Variants in UPK3A observed in about 807,000 individuals in gnomAD.
UPK3A encodes the protein uroplakin-3a.
In UPK3A, 32 loss-of-function variants were observed where a neutral mutation model predicts 27.6. That is an observed-to-expected ratio of 1.16 (90% confidence interval 0.87 to 1.55). UPK3A has a LOEUF of 1.55. Among genes scored for constraint, UPK3A ranks in the 40% most tolerant of loss-of-function variants. The pLI, the probability that UPK3A is intolerant of heterozygous loss-of-function variation, is 0.00. For missense variants in UPK3A, 370 were observed against 367.9 expected (o/e 1.01, Z -0.05); for synonymous variants, 171 against 163.9 (o/e 1.04, Z -0.33).
intron 4 of UPK3A, among the ~76,000 whole-genome samples, chr22:45,289,853 C>T (rs2147795481): frequency 6.6e-6 from 1 of 152,186 alleles, no homozygotes; most frequent in East Asian, 1.9e-4. Flanking sequence ...GCCTTGGTGG[C>T]ATTTGGGCTG....
chr22:45,295,654 A>G lies in UPK3A; in HGVS notation c.799A>G (p.Thr267Ala), dbSNP rs1486956556. The change falls in exon 6 of 6, where the codon ACG becomes GCG. Residue 267 changes from threonine (T) to alanine (A), a missense_variant. Coordinates refer to ENST00000216211, the MANE Select transcript of UPK3A (RefSeq NM_006953.4). Reference sequence around the variant, plus strand: ...GCTGGGGGCCTCGGAGTCTTCCTACACGTCCGTGAACCGGGGGCCGCCACT... The same window carrying G: ...GCTGGGGGCCTCGGAGTCTTCCTACGCGTCCGTGAACCGGGGGCCGCCACT... Reference protein sequence around the residue: ...KSLGASESSYTSVNRGPPLDR... With the variant: ...KSLGASESSYASVNRGPPLDR... 1 of 1,613,886 alleles carries G rather than the reference A, an allele frequency of 6.2e-7. No homozygotes were observed. Among genetic ancestry groups the G allele is most frequent in the Non-Finnish European group, 8.5e-7 (1 of 1,179,994 alleles).
intron 4 of UPK3A, 22 bp downstream of exon 4, chr22:45,289,165 T>C (rs1328772848): frequency 1.9e-6 from 3 of 1,612,568 alleles, no homozygotes; most frequent in Non-Finnish European, 1.7e-6. Context: ...GCAGTGGTGG[T>C]GGTGATGCTC....
At chr22:45,286,275 C>T (rs2084117476) in intron 2 of UPK3A, among the ~76,000 whole-genome samples, 179 bp downstream of exon 2, 1 of 152,216 alleles carries the variant, frequency 6.6e-6, no homozygotes, top group African/African-American at 2.4e-5. Context: ...GAAGTAATAA[C>T]ACCACCAGTC....
chr22:45,285,128 G>T, intron 1 of UPK3A, 63 bp downstream of exon 1: 2 of 1,446,648 alleles, frequency 1.4e-6, no homozygotes, highest in Non-Finnish European at 1.8e-6. Context: ...GCCCTGGGGC[G>T]CCCGCCGCCT....
Position 45,287,331 on chromosome 22 carries a change from C to T in UPK3A, c.368C>T (p.Ser123Phe), listed in dbSNP as rs746048776. 4 of 1,614,180 alleles carry T rather than the reference C, an allele frequency of 2.5e-6. No homozygotes were observed. Among genetic ancestry groups the T allele is most frequent in the Middle Eastern group, 1.7e-4 (1 of 6,060 alleles). ...AGCCTGGATGCCATTGGGGATGTGT[C>T]CAAGGCCTCACAGATCCTGAATGCC... ...LPSLDAIGDV[S>F]KASQILNAYL... The change falls in exon 3 of 6, where the codon TCC becomes TTC. Residue 123 changes from serine to phenylalanine, a missense_variant. Coordinates refer to ENST00000216211, the MANE Select transcript of UPK3A (RefSeq NM_006953.4).
intron 4 of UPK3A, among the ~76,000 whole-genome samples, chr22:45,289,922 T>G (rs2084148257): frequency 6.6e-6 from 1 of 152,072 alleles, no homozygotes; most frequent in Non-Finnish European, 1.5e-5. Flanking sequence ...GCCCTTACAG[T>G]GGGTTGGCCT....
At chr22:45,293,597 T>A (rs1262015858) in intron 5 of UPK3A, among the ~76,000 whole-genome samples, 1 of 152,162 alleles carries the variant, frequency 6.6e-6, no homozygotes, top group African/African-American at 2.4e-5. Flanking sequence ...ACTGAAGAGT[T>A]ATGCAACCTT....
In UPK3A at chr22:45,289,090, C is replaced by T. The variant is rs373420582; in HGVS notation, c.518C>T (p.Thr173Met). The change falls in exon 4 of 6, where the codon ACG becomes ATG. Residue 173 changes from threonine (T) to methionine (M), a missense_variant. Thr to Met is a moderately conservative substitution (Grantham distance 81). Transcript: ENST00000216211. ...AAGTATGTCCTGGTCAATATGTCCA[C>T]GGGCTTGGTAGAGGACCAGACCCTG... ...RFKYVLVNMSTGLVEDQTLWS... is the reference protein window; with the variant it reads ...RFKYVLVNMSMGLVEDQTLWS... 49 of 1,613,896 alleles carry T rather than the reference C, an allele frequency of 3.0e-5. No homozygotes were observed. The highest frequency in any genetic ancestry group is 3.6e-5 in the Non-Finnish European group (43 of 1,180,036).
Position 45,293,193 on chromosome 22 carries a change from C to G in UPK3A, c.584C>G (p.Ser195Trp). The change falls in exon 5 of 6, where the codon TCG becomes TGG. Residue 195 changes from serine to tryptophan, a missense_variant. Ser to Trp is a radical substitution (Grantham distance 177). Coordinates refer to ENST00000216211, the MANE Select transcript of UPK3A (RefSeq NM_006953.4). ...PIRTNQLTPY[S>W]TIDTWPGRRS... ...CATCCCACCACAGTCACCCCATACT[C>G]GACGATCGACACGTGGCCAGGCCGG... is the stretch of plus-strand genomic sequence containing the variant. The G allele has an allele frequency of 2.5e-6, 4 of 1,613,928 alleles. No homozygotes were observed. The highest frequency in any genetic ancestry group is 3.4e-6 in the Non-Finnish European group (4 of 1,180,030).
At chr22:45,294,862 C>T (rs1270513660) in intron 5 of UPK3A, among the ~76,000 whole-genome samples, 1 of 151,032 alleles carries the variant, frequency 6.6e-6, no homozygotes, top group Non-Finnish European at 1.5e-5. Context: ...ACTTGGATGC[C>T]TTTCTCTTCC....
Position 45,292,226 on chromosome 22 carries a change from G to A in UPK3A, c.572-955G>A, listed in dbSNP as rs561101760. On this transcript the variant is annotated intron_variant, in intron 4 of 5. Transcript: ENST00000216211. ...AGGGTTCCTTTGGGGAACCCAGGCAGAAGCACAAGGCCCAGTTTTTTTGGG... is the reference window on the plus strand; with the variant it reads ...AGGGTTCCTTTGGGGAACCCAGGCAAAAGCACAAGGCCCAGTTTTTTTGGG... Among the ~76,000 whole-genome samples, 4 of 152,332 alleles carry A rather than the reference G, an allele frequency of 2.6e-5. No individual in the cohort carries two copies. In the East Asian group the frequency reaches 7.7e-4, roughly 29 times the overall value.
At chr22:45,293,353 A>G in intron 5 of UPK3A, 40 bp downstream of exon 5, 2 of 1,611,640 alleles carry the variant, frequency 1.2e-6, no homozygotes. Context: ...CCCCAGGGAC[A>G]TGCCAGACAC....
chr22:45,285,928 C>G lies in UPK3A; in HGVS notation c.53-13C>G. On this transcript the variant is annotated splice_polypyrimidine_tract_variant and intron_variant, in intron 1 of 5. Transcript: ENST00000216211. Reference sequence around the variant, plus strand: ...TGCCGGAGGTCAGTTCCCATCCTCACTGCCTCCTCCAGCTGTGAACCTGCA... The same window carrying G: ...TGCCGGAGGTCAGTTCCCATCCTCAGTGCCTCCTCCAGCTGTGAACCTGCA... 6.2e-7 allele frequency: 1 copy of G among 1,613,724 alleles called. No individual in the cohort carries two copies. Among genetic ancestry groups the G allele is most frequent in the South Asian group, 1.1e-5 (1 of 91,058 alleles).
chr22:45,285,208 G>T, intron 1 of UPK3A, 143 bp downstream of exon 1: 1 of 768,608 alleles, frequency 1.3e-6, no homozygotes, highest in South Asian at 1.9e-5. Flanking sequence ...CAACGTTTAC[G>T]GGCCTCCTCT....
At position 45,286,020 on chromosome 22, in the gene UPK3A, G is replaced by A; in HGVS notation, c.132G>A (p.Lys44=). ...CACTTACCACTGTGGCCTTGGAAAA[G>A]CCTCTCTGCATGTTTGACAGCAAAG... The part of the protein sequence containing the change: ...NPTLTTVALE[K]PLCMFDSKEA... The change falls in exon 2 of 6, where the codon AAG becomes AAA. Residue 44 remains lysine, a synonymous_variant. Transcript: ENST00000216211. 6.2e-7 allele frequency: 1 copy of A among 1,614,140 alleles called. No individual in the cohort carries two copies.
rs1232509924 is a variant in UPK3A, at chr22:45,289,523, A to G, written c.571+380A>G. Among the ~76,000 whole-genome samples, 15 of 149,838 alleles carry G rather than the reference A, an allele frequency of 1.0e-4. No individual in the cohort carries two copies. In the Admixed American group the frequency reaches 1.0e-3, roughly 10 times the overall value. On this transcript the variant is annotated intron_variant, in intron 4 of 5. Transcript: ENST00000216211. ...AACCCGGGAGGTGGAGCTTGCAGTG[A>G]GCCAAGATGACACCACTGCATTCCA...
In UPK3A at chr22:45,295,631, T is replaced by C; in HGVS notation, c.776T>C (p.Leu259Pro). 1 of 1,613,944 alleles carries C rather than the reference T, an allele frequency of 6.2e-7. No homozygotes were observed. Among genetic ancestry groups the C allele is most frequent in the South Asian group, 1.1e-5 (1 of 91,076 alleles). Residue 259 changes from leucine to proline, a missense_variant, in exon 6 of 6, where the codon CTG (leucine) becomes CCG (proline). By Grantham distance (98) the Leu-to-Pro change is moderately conservative. Coordinates refer to ENST00000216211, the MANE Select transcript of UPK3A (RefSeq NM_006953.4). The stretch of plus-strand genomic sequence containing the variant: ...ACTCAGGAGGCTGTTCCCAAGTCGC[T>C]GGGGGCCTCGGAGTCTTCCTACACG... ...QITQEAVPKS[L>P]GASESSYTSV... is the part of the protein sequence containing the mutation.
chr22:45,287,047 C>T, intron 2 of UPK3A, 125 bp from the exon 3 acceptor site: 1 of 1,432,208 alleles, frequency 7.0e-7, no homozygotes, highest in Non-Finnish European at 9.7e-7. Context: ...TTGCCCCATG[C>T]CTGTGATGCC....
rs1360321209 is a variant in UPK3A, at chr22:45,295,671, G to T, written c.816G>T (p.Gly272=). ...CTTCCTACACGTCCGTGAACCGGGG[G>T]CCGCCACTGGACAGGGCTGAGGTGT... is the stretch of plus-strand genomic sequence containing the variant. ...SESSYTSVNR[G]PPLDRAEVYS... is the part of the protein sequence containing the mutation. Residue 272 remains glycine (G), a synonymous_variant, in exon 6 of 6, where the codon GGG becomes GGT. Transcript: ENST00000216211. 1 of 1,613,544 alleles carries T rather than the reference G, an allele frequency of 6.2e-7. No individual in the cohort carries two copies. The highest frequency in any genetic ancestry group is 8.5e-7 in the Non-Finnish European group (1 of 1,179,960).
Sources: allele counts gnomAD v4.1 joint callset (sites outside exome capture counted in the v4.1 genomes callset), GRCh38; gene constraint gnomAD v4.1.1; transcripts MANE v1.5; gene names NCBI Gene and HGNC (gene_info 2026-07-23, HGNC 2026-07-21).